IMMP2L: variants seen among roughly 807,000 people sequenced by gnomAD.
IMMP2L encodes the protein inner mitochondrial membrane peptidase subunit 2.
Under a neutral mutation model 19.3 loss-of-function variants are expected in IMMP2L, and 18 were observed. That is an observed-to-expected ratio of 0.93 (90% CI 0.64 to 1.38). The LOEUF is 1.38. IMMP2L is among the 40% of genes most tolerant of loss of function. IMMP2L has a pLI of 0.00. For synonymous variants in IMMP2L, 76 were observed against 73.0 expected (o/e 1.04, Z -0.21); for missense variants, 233 against 218.2 (o/e 1.07, Z -0.43).
At chr7:111,521,273 GAAGT>G in intron 2 of IMMP2L, 36 bp downstream of exon 2, 4 of 1,576,610 alleles carry the variant, frequency 2.5e-6, no homozygotes, top group Non-Finnish European at 3.5e-6. Context: ...GAAAAACAAT[GAAGT>G]ATGTGCTTTA....
intron 5 of IMMP2L, among the ~76,000 whole-genome samples, chr7:110,876,364 G>A (rs144653962): frequency 9.9e-5 from 15 of 152,216 alleles, no homozygotes; most frequent in African/African-American, 3.6e-4. Context: ...TAACAGAATG[G>A]AACTTTGACA....
intron 1 of IMMP2L, among the ~76,000 whole-genome samples, chr7:111,559,267 A>T (rs751367893): frequency 6.6e-6 from 1 of 152,200 alleles, no homozygotes; most frequent in Non-Finnish European, 1.5e-5. Context: ...TATACTAAAT[A>T]CACAGCTAAG....
intron 3 of IMMP2L, among the ~76,000 whole-genome samples, chr7:111,238,799 AC>A (rs1476794476): frequency 6.6e-6 from 1 of 151,970 alleles, no homozygotes; most frequent in Admixed American, 6.6e-5. Context: ...AGTCAGACAG[AC>A]CTAGCTTGAG....
At chr7:111,153,731 T>C (rs1421820321) in intron 3 of IMMP2L, among the ~76,000 whole-genome samples, 1 of 152,054 alleles carries the variant, frequency 6.6e-6, no homozygotes, top group Non-Finnish European at 1.5e-5. Context: ...ATATTTTCTT[T>C]ATGGTAGTAG....
rs527426451 is a variant in IMMP2L, at chr7:110,919,067, C to G, written c.306-32372G>C. On this transcript the variant is annotated intron_variant, in intron 4 of 5. Transcript: ENST00000405709. Reference sequence around the variant, plus strand: ...CAAACAGCAGCAGCCACAGTGCATACTAAATGTACCAACCATGAACTAGAC... The same window carrying G: ...CAAACAGCAGCAGCCACAGTGCATAGTAAATGTACCAACCATGAACTAGAC... Among the ~76,000 whole-genome samples, 17 of 152,298 alleles carry G rather than the reference C, an allele frequency of 1.1e-4. No individual in the cohort carries two copies. In the East Asian group the frequency reaches 3.3e-3, roughly 29 times the overall value.
chr7:110,864,727 A>C (rs1807812054), intron 5 of IMMP2L, among the ~76,000 whole-genome samples: 1 of 152,100 alleles, frequency 6.6e-6, no homozygotes, highest in Non-Finnish European at 1.5e-5. Context: ...TATGCTAGAC[A>C]CGCTGCATGA....
rs144939343 is a variant in IMMP2L, at chr7:111,462,082, C to T, written c.239+25156G>A. On this transcript the variant is annotated intron_variant, in intron 3 of 5. Coordinates refer to ENST00000405709, the MANE Select transcript of IMMP2L (RefSeq NM_032549.4). The stretch of plus-strand genomic sequence containing the variant: ...AGTGATTTTTACAAACATCTTTATA[C>T]TTATTTATATATTTTTATTTTAATA... Among the ~76,000 whole-genome samples the T allele has an allele frequency of 9.9e-3, 1,493 of 151,338 alleles. 38 individuals are homozygous for T. The highest frequency in any genetic ancestry group is 0.034 in the African/African-American group (1,427 of 41,434).
At chr7:110,931,852 AC>A (rs113012472) in intron 4 of IMMP2L, among the ~76,000 whole-genome samples, 26 of 151,998 alleles carry the variant, frequency 1.7e-4, no homozygotes, top group African/African-American at 5.1e-4. Flanking sequence ...CCACCAGAGG[AC>A]CCCTTTTTCC....
chr7:111,205,062 G>T lies in IMMP2L; in HGVS notation c.240-241497C>A, dbSNP rs554012806. ...ACCAAGGTGCCAGCATTCAGTGTCT[G>T]GTGAGGGCCTTCTTGCTGTATCCTC... On this transcript the variant is annotated intron_variant, in intron 3 of 5. Coordinates refer to ENST00000405709, the MANE Select transcript of IMMP2L (RefSeq NM_032549.4). Among the ~76,000 whole-genome samples the T allele has an allele frequency of 4.3e-4, 66 of 152,252 alleles. 1 individual carries two copies. Among genetic ancestry groups the T allele is most frequent in the Non-Finnish European group, 8.2e-4 (56 of 68,026 alleles).
At chr7:110,935,937 A>C (rs1381960188) in intron 4 of IMMP2L, among the ~76,000 whole-genome samples, 2 of 152,172 alleles carry the variant, frequency 1.3e-5, no homozygotes, top group African/African-American at 4.8e-5. Context: ...TGACAAAAGC[A>C]AGCAATGGGG....
chr7:111,207,533 G>GTTTTTTTTTTT (rs1810844513), intron 3 of IMMP2L, among the ~76,000 whole-genome samples: 1 of 124,098 alleles, frequency 8.1e-6, no homozygotes, highest in Admixed American at 8.5e-5. Context: ...TTTTATTTTT[G>GTTTTTTTTTTT]GTTTTTTTTT....
chr7:111,214,401 G>A (rs923005176), intron 3 of IMMP2L, among the ~76,000 whole-genome samples: 1 of 127,708 alleles, frequency 7.8e-6, no homozygotes, highest in African/African-American at 3.0e-5. Context: ...GGAGTGCAGT[G>A]GCATGATCTC....
chr7:111,309,758 AT>A (rs1218215529), intron 3 of IMMP2L, among the ~76,000 whole-genome samples: 1 of 152,150 alleles, frequency 6.6e-6, no homozygotes, highest in Non-Finnish European at 1.5e-5. Flanking sequence ...GAAATAATAT[AT>A]ATTTTGAAAT....
rs145290365 is a variant in IMMP2L, at chr7:110,668,479, C to G, written c.409-4758G>C. Among the ~76,000 whole-genome samples the G allele has an allele frequency of 2.4e-3, 361 of 152,290 alleles. 1 individual carries two copies. The highest frequency in any genetic ancestry group is 7.7e-3 in the African/African-American group (320 of 41,562). On this transcript the variant is annotated intron_variant, in intron 5 of 5. Transcript: ENST00000405709. ...TTTATTTGCTCTTCAAGATGTTTAA[C>G]TTTGTTTCATAAGGGTGATTTGCCA...
intron 2 of IMMP2L, among the ~76,000 whole-genome samples, chr7:111,511,012 G>T (rs546258859): frequency 6.6e-6 from 1 of 152,226 alleles, no homozygotes; most frequent in South Asian, 2.1e-4. Flanking sequence ...GGATCACAAA[G>T]ATTTTTCATG....
intron 5 of IMMP2L, among the ~76,000 whole-genome samples, chr7:110,756,372 A>C (rs960375953): frequency 2.0e-5 from 3 of 152,058 alleles, no homozygotes; most frequent in African/African-American, 7.2e-5. Context: ...ATCCATTCTG[A>C]GTAAGCTCTA....
At chr7:111,161,956 T>C (rs28590134) in intron 3 of IMMP2L, among the ~76,000 whole-genome samples, 11,378 of 152,116 alleles carry the variant, frequency 0.075, 917 homozygotes, top group African/African-American at 0.2. Flanking sequence ...ATGCTTTAAA[T>C]AGAATTCTGA....
chr7:110,692,372 T>TA (rs1793574473), intron 5 of IMMP2L, among the ~76,000 whole-genome samples: 1 of 151,142 alleles, frequency 6.6e-6, no homozygotes, highest in Admixed American at 6.6e-5. Flanking sequence ...GGGTGATGGA[T>TA]AAAAAACTGC....
intron 3 of IMMP2L, among the ~76,000 whole-genome samples, chr7:111,144,784 G>A (rs1803291423): frequency 6.6e-6 from 1 of 152,132 alleles, no homozygotes; most frequent in Non-Finnish European, 1.5e-5. Flanking sequence ...TTATGTGCCA[G>A]TACTGAGTAA....
Sources: allele counts gnomAD v4.1 joint callset (sites outside exome capture counted in the v4.1 genomes callset), GRCh38; gene constraint gnomAD v4.1.1; transcripts MANE v1.5; gene names NCBI Gene and HGNC (gene_info 2026-07-23, HGNC 2026-07-21).